The following KLHDC2 variants were observed in gnomAD, a reference collection of about 807,000 sequenced individuals.
KLHDC2 encodes kelch domain containing 2, also known as kelch domain-containing protein 2.
Under a neutral mutation model 62.3 loss-of-function variants are expected in KLHDC2, and 38 were observed. The ratio of observed to expected loss-of-function variants is 0.61; its 90% confidence interval spans 0.47 to 0.80. The LOEUF is 0.80. Among genes scored for constraint, KLHDC2 ranks in the 30% least tolerant of loss-of-function variants. The pLI is 0.00. For missense variants in KLHDC2, 430 were observed against 495.3 expected, an observed-to-expected ratio of 0.87 and a Z score of 1.25; for synonymous variants, 159 against 161.0, an observed-to-expected ratio of 0.99 and a Z score of 0.09.
Position 49,785,087 on chromosome 14 carries a change from AATACCTTTTCCCT to A in KLHDC2, c.*2135_*2147del, listed in dbSNP as rs1478587023. The stretch of plus-strand genomic sequence containing the variant: ...ATCATAATTCAAAAAAACAAATTTA[AATACCTTTTCCCT>A]TTTTCTGCACTCCAGGAGTAAGTTT... On this transcript the variant is annotated 3_prime_UTR_variant, in exon 13 of 13. Transcript: ENST00000298307. 6.2e-7 allele frequency: 1 copy of A among 1,606,966 alleles called. No homozygotes were observed. The highest frequency in any genetic ancestry group is 1.7e-5 in the Admixed American group (1 of 59,900).
At chr14:49,776,645 G>A (rs998713307) in intron 3 of KLHDC2, among the ~76,000 whole-genome samples, 2 of 151,922 alleles carry the variant, frequency 1.3e-5, no homozygotes, top group African/African-American at 4.8e-5. Context: ...AGGGCTGGGT[G>A]TGGTAGCTTA....
rs1889679009 is a variant in KLHDC2, at chr14:49,772,199, T to C, written c.233+526T>C. Reference sequence around the variant, plus strand: ...TAATATTTAAAATAGATGTAGAGGCTTCAGATCCAGAATGGAAAAATAAGT... The same window carrying C: ...TAATATTTAAAATAGATGTAGAGGCCTCAGATCCAGAATGGAAAAATAAGT... On this transcript the variant is annotated intron_variant, in intron 2 of 12. Coordinates refer to ENST00000298307, the MANE Select transcript of KLHDC2 (RefSeq NM_014315.3). 2.6e-5 allele frequency among the ~76,000 whole-genome samples: 4 copies of C among 152,276 alleles called. No homozygotes were observed. The South Asian group carries it at 8.3e-4, about 32-fold the overall frequency.
At chr14:49,769,661 G>A (rs561417703) in intron 1 of KLHDC2, among the ~76,000 whole-genome samples, 16 of 152,196 alleles carry the variant, frequency 1.1e-4, no homozygotes, top group Non-Finnish European at 2.4e-4. Flanking sequence ...AGGGGGCCGG[G>A]CGCGGTGGCT....
chr14:49,770,894 G>T (rs113523171), intron 1 of KLHDC2, among the ~76,000 whole-genome samples: 196 of 152,348 alleles, frequency 1.3e-3, no homozygotes, highest in African/African-American at 4.5e-3. Flanking sequence ...GAATGGATAG[G>T]TGAAAGGAAG....
In KLHDC2 at chr14:49,780,315, G is replaced by C. The variant is rs556394924; in HGVS notation, c.876G>C (p.Gln292His). 2 of 1,577,128 alleles carry C rather than the reference G, an allele frequency of 1.3e-6. No individual in the cohort carries two copies. Among genetic ancestry groups the C allele is most frequent in the African/African-American group, 2.7e-5 (2 of 74,260 alleles). Residue 292 changes from glutamine (Q) to histidine (H), a missense_variant, in exon 9 of 13, where the codon CAG (glutamine) becomes CAC (histidine). Physicochemically the swap from Gln to His is conservative, Grantham distance 24 (BLOSUM62 0). Transcript: ENST00000298307. ...FLFGGFTTDK[Q>H]PLSDAWTYCI... ...TTGGAGGATTTACCACTGATAAACA[G>C]CCACTAAGTAAGTCCTTGAAAAATA...
chr14:49,782,812 T>G lies in KLHDC2; in HGVS notation c.1098-18T>G. The G allele has an allele frequency of 6.2e-7, 1 of 1,607,128 alleles. No individual in the cohort carries two copies. Among genetic ancestry groups the G allele is most frequent in the Non-Finnish European group, 8.5e-7 (1 of 1,177,532 alleles). On this transcript the variant is annotated intron_variant, in intron 12 of 12. Coordinates refer to ENST00000298307, the MANE Select transcript of KLHDC2 (RefSeq NM_014315.3). ...CAGTAAAGTGAAATTACTTTTCTCT[T>G]TCCTTGTCCACTTTCAGGCTAAGCT...
chr14:49,776,322 C>T (rs568898420), intron 3 of KLHDC2, among the ~76,000 whole-genome samples: 9 of 152,120 alleles, frequency 5.9e-5, no homozygotes, highest in Admixed American at 3.3e-4. Context: ...AGTAGTTTGT[C>T]GAGTGGCTAG....
In KLHDC2 at chr14:49,779,626, C is replaced by G. The variant is rs200590933; in HGVS notation, c.665C>G (p.Ala222Gly). The change falls in exon 7 of 13, where the codon GCC becomes GGC. Residue 222 changes from alanine to glycine, a missense_variant. Coordinates refer to ENST00000298307, the MANE Select transcript of KLHDC2 (RefSeq NM_014315.3). ...GCACCTTCACCTCGTGCTGCCCATG[C>G]CTGTGCAACTGTCGGAAATAGAGGC... ...GKAPSPRAAHACATVGNRGFV... is the reference protein window; with the variant it reads ...GKAPSPRAAHGCATVGNRGFV... 6.2e-7 allele frequency: 1 copy of G among 1,614,134 alleles called. No homozygotes were observed. The highest frequency in any genetic ancestry group is 1.3e-5 in the African/African-American group (1 of 75,046).
At position 49,785,023 on chromosome 14, in the gene KLHDC2, G is replaced by A. The variant is rs185286415; in HGVS notation, c.*2070G>A. ...TTTGCAGCTGTAAATACAAAAAAGA[G>A]TAAGAATAATCTACTGTTAAGTCAC... On this transcript the variant is annotated 3_prime_UTR_variant, in exon 13 of 13. Coordinates refer to ENST00000298307, the MANE Select transcript of KLHDC2 (RefSeq NM_014315.3). The A allele has an allele frequency of 1.5e-3, 2,401 of 1,609,636 alleles. 27 individuals carry two copies. Among genetic ancestry groups the A allele is most frequent in the South Asian group, 3.1e-3 (284 of 90,996 alleles).
chr14:49,782,861 G>C lies in KLHDC2; in HGVS notation c.1129G>C (p.Glu377Gln). ...CTTAGAAGCAGTCATTTGCTTTAAA[G>C]AAATGTTAGCCAACTCATGGAACTG... is the stretch of plus-strand genomic sequence containing the variant. ...LSLEAVICFK[E>Q]MLANSWNCLP... Residue 377 changes from glutamate (E) to glutamine (Q), a missense_variant, in exon 13 of 13, where the codon GAA becomes CAA. Transcript: ENST00000298307. The C allele has an allele frequency of 6.2e-7, 1 of 1,613,768 alleles. No individual in the cohort carries two copies. The highest frequency in any genetic ancestry group is 8.5e-7 in the Non-Finnish European group (1 of 1,179,830).
rs1890056382 is a variant in KLHDC2 at position 49,784,304 on chromosome 14, A to T, written c.*1351A>T. On this transcript the variant is annotated 3_prime_UTR_variant, in exon 13 of 13. Coordinates refer to ENST00000298307, the MANE Select transcript of KLHDC2 (RefSeq NM_014315.3). Reference sequence around the variant, plus strand: ...GACTTACCAAGTCAATAGTTTAAGCAATCAAGCCACTTCACTGTTCAGTTT... The same window carrying T: ...GACTTACCAAGTCAATAGTTTAAGCTATCAAGCCACTTCACTGTTCAGTTT... 6 of 193,578 alleles carry T rather than the reference A, an allele frequency of 3.1e-5. No individual in the cohort carries two copies. Among genetic ancestry groups the T allele is most frequent in the Admixed American group, 5.6e-5 (1 of 17,828 alleles). The allele number at this position is 193,578 out of a possible 1,614,324, so 12.0% of individuals were successfully genotyped here.
At chr14:49,769,291 A>G (rs1051730902) in intron 1 of KLHDC2, among the ~76,000 whole-genome samples, 1 of 152,212 alleles carries the variant, frequency 6.6e-6, no homozygotes, top group African/African-American at 2.4e-5. Context: ...TCCCCTGGTT[A>G]TAAACAACGT....
chr14:49,772,633 T>C (rs1889687365), intron 2 of KLHDC2, among the ~76,000 whole-genome samples: 1 of 152,230 alleles, frequency 6.6e-6, no homozygotes, highest in African/African-American at 2.4e-5. Context: ...TTTTACTTAC[T>C]GTAGATCTCA....
intron 3 of KLHDC2, among the ~76,000 whole-genome samples, chr14:49,776,179 GTGAGGCACATCTATAGGCTATCAT>G (rs983556176): frequency 1.3e-5 from 2 of 152,194 alleles, no homozygotes; most frequent in African/African-American, 2.4e-5. Context: ...GAAAGATTCT[GTGAGGCACATCTATAGGCTATCAT>G]TGAGCCATAT....
At position 49,768,210 on chromosome 14, in the gene KLHDC2, G is replaced by C. The variant is rs1889582425; in HGVS notation, c.-259G>C. On this transcript the variant is annotated 5_prime_UTR_variant, in exon 1 of 13. Coordinates refer to ENST00000298307, the MANE Select transcript of KLHDC2 (RefSeq NM_014315.3). The stretch of plus-strand genomic sequence containing the variant: ...GGACCGCTTCCCTGCAGTGCCCCGA[G>C]TCCCGGGCCCGCGCCGCCGCCGCCC... 1 of 336,730 alleles carries C rather than the reference G, an allele frequency of 3.0e-6. No homozygotes were observed. Among genetic ancestry groups the C allele is most frequent in the African/African-American group, 2.2e-5 (1 of 46,104 alleles). The allele number at this position is 336,730 out of a possible 1,614,324, so 20.9% of individuals were successfully genotyped here. A position where few individuals can be genotyped will look rare whatever the true frequency, so the allele number is the denominator to read the frequency against.
Position 49,783,433 on chromosome 14 carries a change from C to T in KLHDC2, c.*480C>T, listed in dbSNP as rs1191759281. The stretch of plus-strand genomic sequence containing the variant: ...GCTGGAAAAACAAAGTGTGGAGGGA[C>T]CAACAACTGTTCAGTACTTTGACCT... On this transcript the variant is annotated 3_prime_UTR_variant, in exon 13 of 13. Transcript: ENST00000298307. The T allele has an allele frequency of 6.6e-6, 1 of 151,954 alleles. No individual in the cohort carries two copies. Among genetic ancestry groups the T allele is most frequent in the Non-Finnish European group, 1.5e-5 (1 of 68,138 alleles). 9.4% of individuals were successfully genotyped at this position (151,954 alleles called of 1,614,324 possible).
intron 2 of KLHDC2, among the ~76,000 whole-genome samples, chr14:49,774,093 T>C (rs1224493802): frequency 6.6e-6 from 1 of 152,222 alleles, no homozygotes; most frequent in Non-Finnish European, 1.5e-5. Flanking sequence ...ACTACCTGTT[T>C]GTAGTGTTAC....
rs2139811202 is a variant in KLHDC2, at chr14:49,784,259, A to G, written c.*1306A>G. ...AGTTCATTTGGCCTGTAATATATAT[A>G]TTAGATGTTATATACAGTAGACTTA... On this transcript the variant is annotated 3_prime_UTR_variant, in exon 13 of 13. Transcript: ENST00000298307. The G allele has an allele frequency of 6.4e-6, 1 of 155,716 alleles. No individual in the cohort carries two copies. The highest frequency in any genetic ancestry group is 1.4e-5 in the Non-Finnish European group (1 of 71,926). The allele number at this position is 155,716 out of a possible 1,614,324, so 9.6% of individuals were successfully genotyped here.
chr14:49,769,639 T>C (rs902943467), intron 1 of KLHDC2, among the ~76,000 whole-genome samples: 2 of 152,072 alleles, frequency 1.3e-5, no homozygotes, highest in African/African-American at 4.8e-5. Context: ...TGAATGTGGT[T>C]AGAAAATAGA....
Sources: gnomAD v4.1 joint callset for allele counts (sites outside exome capture counted in the v4.1 genomes callset) on GRCh38, gnomAD v4.1.1 for gene constraint, MANE v1.5 for transcripts, NCBI Gene and HGNC (gene_info 2026-07-23, HGNC 2026-07-21) for gene names.